ABCC8: variants seen among roughly 807,000 people sequenced by gnomAD.
ABCC8 encodes ATP binding cassette subfamily C member 8, also known as ATP-binding cassette sub-family C member 8.
In ABCC8, 137 loss-of-function variants were observed where a neutral mutation model predicts 188.0. The observed-to-expected ratio is 0.73, with a 90% CI of 0.63 to 0.84. The LOEUF is 0.84. ABCC8 is among the 40% of genes least tolerant of loss of function. The pLI, the probability that ABCC8 is intolerant of heterozygous loss-of-function variation, is 0.00. For synonymous variants in ABCC8, 797 were observed against 846.5 expected, an observed-to-expected ratio of 0.94 and a Z score of 1.01; for missense variants, 1,750 against 2,072.7, an observed-to-expected ratio of 0.84 and a Z score of 3.02.
At chr11:17,458,037 A>C (rs1414209101) in intron 6 of ABCC8, among the ~76,000 whole-genome samples, 1 of 152,212 alleles carries the variant, frequency 6.6e-6, no homozygotes, top group East Asian at 1.9e-4. Flanking sequence ...TGATCTCAGT[A>C]AATGATCCCT....
chr11:17,461,950 C>T (rs143975806), intron 4 of ABCC8, 125 bp from the exon 5 acceptor site: 20 of 1,476,094 alleles, frequency 1.4e-5, no homozygotes, highest in Admixed American at 4.6e-5. Context: ...GGCCATCTTT[C>T]GCCTGTAATT....
At chr11:17,467,495 G>A (rs934908165) in intron 3 of ABCC8, among the ~76,000 whole-genome samples, 1 of 152,112 alleles carries the variant, frequency 6.6e-6, no homozygotes, top group Non-Finnish European at 1.5e-5. Flanking sequence ...CTTCTGCCTT[G>A]GGGCCTTTGC....
chr11:17,464,441 A>C (rs1327653746), intron 3 of ABCC8, among the ~76,000 whole-genome samples: 1 of 152,240 alleles, frequency 6.6e-6, no homozygotes, highest in Non-Finnish European at 1.5e-5. Flanking sequence ...AGCCTGTGAC[A>C]TAATAGCTGT....
At chr11:17,471,345 C>T (rs543716498) in intron 2 of ABCC8, among the ~76,000 whole-genome samples, 35 of 152,266 alleles carry the variant, frequency 2.3e-4, no homozygotes, top group African/African-American at 8.4e-4. Context: ...CCAGGCTGGA[C>T]TTTGAAGGAT....
At chr11:17,434,253 C>A (rs549873671) in intron 10 of ABCC8, among the ~76,000 whole-genome samples, 11 of 152,306 alleles carry the variant, frequency 7.2e-5, no homozygotes, top group African/African-American at 2.6e-4. Flanking sequence ...TGCTCCAGGC[C>A]AAGACCCCTC....
chr11:17,442,813 C>T lies in ABCC8; in HGVS notation c.1537G>A (p.Ala513Thr), dbSNP rs761748692. 6.3e-5 allele frequency: 101 copies of T among 1,613,964 alleles called. No individual in the cohort carries two copies. Among genetic ancestry groups the T allele is most frequent in the Non-Finnish European group, 7.7e-5 (91 of 1,180,040 alleles). ...LRGIKLLKLY[A>T]WENIFRTRVE... Reference sequence around the variant, plus strand: ...CGCGTGCGGAAGATGTTCTCCCAGGCGTACAGCTTCAGCAGCTTGATGCCG... The same window carrying T: ...CGCGTGCGGAAGATGTTCTCCCAGGTGTACAGCTTCAGCAGCTTGATGCCG... The change falls in exon 10 of 39, where the codon GCC (alanine) becomes ACC (threonine). Residue 513 changes from alanine to threonine, a missense_variant. Coordinates refer to ENST00000389817, the MANE Select transcript of ABCC8 (RefSeq NM_000352.6).
rs75775289 is a variant in ABCC8 at position 17,436,230 on chromosome 11, G to A, written c.1631-3986C>T. ...GTGACCAGCTACTTGTGTTTTAAAGGTCTCTCTGAAGATCATCTTTTGGGG... is the reference window on the plus strand; with the variant it reads ...GTGACCAGCTACTTGTGTTTTAAAGATCTCTCTGAAGATCATCTTTTGGGG... On this transcript the variant is annotated intron_variant, in intron 10 of 38. Transcript: ENST00000389817. 1,072 of 590,596 alleles carry A rather than the reference G, an allele frequency of 1.8e-3. 8 individuals carry two copies. The highest frequency in any genetic ancestry group is 0.017 in the African/African-American group (943 of 53,998). The allele number at this position is 590,596 out of a possible 1,614,324, so 36.6% of individuals were successfully genotyped here. A position where few individuals can be genotyped will look rare whatever the true frequency, so the allele number is the denominator to read the frequency against.
chr11:17,453,306 G>C lies in ABCC8; in HGVS notation c.1012-23C>G, dbSNP rs757918084. 8 of 1,613,676 alleles carry C rather than the reference G, an allele frequency of 5.0e-6. No homozygotes were observed. The East Asian group carries it at 1.6e-4, about 31-fold the overall frequency. ...TGTCTGTTGGAAAGAGAAGTTCAGA[G>C]GTGACTGTCATTGCCAGCAAAATGA... is the stretch of plus-strand genomic sequence containing the variant. On this transcript the variant is annotated intron_variant, in intron 6 of 38. Transcript: ENST00000389817.
At chr11:17,441,158 C>A (rs1956302355) in intron 10 of ABCC8, among the ~76,000 whole-genome samples, 1 of 151,920 alleles carries the variant, frequency 6.6e-6, no homozygotes, top group East Asian at 1.9e-4. Flanking sequence ...CCTTTCAGAG[C>A]CCAGAGATTT....
At chr11:17,416,680 C>A (rs968194492) in intron 17 of ABCC8, among the ~76,000 whole-genome samples, 1 of 152,118 alleles carries the variant, frequency 6.6e-6, no homozygotes, top group Non-Finnish European at 1.5e-5. Context: ...ATTTCAGCAC[C>A]ACAGATATAC....
At chr11:17,396,652 G>T in intron 33 of ABCC8, 2 of 511,700 alleles carry the variant, frequency 3.9e-6, no homozygotes, top group Non-Finnish European at 7.1e-6. Flanking sequence ...GACAAAGCCC[G>T]TGTGAGCTGG....
intron 6 of ABCC8, among the ~76,000 whole-genome samples, chr11:17,454,786 C>T (rs998902324): frequency 1.3e-5 from 2 of 152,148 alleles, no homozygotes; most frequent in African/African-American, 4.8e-5. Context: ...AACATGTGAA[C>T]ATGAACCTGA....
At chr11:17,448,753 C>A in intron 7 of ABCC8, 82 bp from the exon 8 acceptor site, 2 of 1,610,092 alleles carry the variant, frequency 1.2e-6, no homozygotes, top group Non-Finnish European at 8.5e-7. Context: ...TTACAGTGTG[C>A]CAGGGGCTTC....
Position 17,404,929 on chromosome 11 carries a change from T to C in ABCC8, c.3400-260A>G, listed in dbSNP as rs1954443912. Among the ~76,000 whole-genome samples the C allele has an allele frequency of 6.6e-6, 1 of 152,082 alleles. No homozygotes were observed. Among genetic ancestry groups the C allele is most frequent in the Non-Finnish European group, 1.5e-5 (1 of 68,002 alleles). ...GGCACCTGCCACCACACCTGGCTAATTTTTGTATTTTTAATAGAGAAGGGG... is the reference window on the plus strand; with the variant it reads ...GGCACCTGCCACCACACCTGGCTAACTTTTGTATTTTTAATAGAGAAGGGG... On this transcript the variant is annotated intron_variant, in intron 27 of 38. Transcript: ENST00000389817. This position sits in a 1 kb window ranked among gnomAD's most constrained non-coding sequence, Gnocchi z 4.7.
chr11:17,406,995 G>C lies in ABCC8; in HGVS notation c.3055C>G (p.Gln1019Glu), dbSNP rs1490790294. 1 of 1,614,212 alleles carries C rather than the reference G, an allele frequency of 6.2e-7. No homozygotes were observed. Among genetic ancestry groups the C allele is most frequent in the Admixed American group, 1.7e-5 (1 of 60,036 alleles). ...ACCAGGACCATGTGCTTGAGCAGCT[G>C]TGAGAAGACCAGCAACGACAGGAGC... ...ILLLSLLVFS[Q>E]LLKHMVLVAI... Residue 1019 changes from glutamine (Q) to glutamate (E), a missense_variant, in exon 25 of 39, where the codon CAG becomes GAG. Transcript: ENST00000389817.
intron 16 of ABCC8, among the ~76,000 whole-genome samples, chr11:17,420,696 A>G (rs1288628268): frequency 6.6e-6 from 1 of 152,124 alleles, no homozygotes; most frequent in Non-Finnish European, 1.5e-5. Context: ...CCTCACAGGG[A>G]AGTGGGAGCC....
At chr11:17,437,316 G>A (rs1220622778) in intron 10 of ABCC8, among the ~76,000 whole-genome samples, 1 of 152,176 alleles carries the variant, frequency 6.6e-6, no homozygotes, top group Non-Finnish European at 1.5e-5. Flanking sequence ...CTTTGCCCAA[G>A]GAATGTTTTC....
intron 3 of ABCC8, among the ~76,000 whole-genome samples, chr11:17,464,395 G>T (rs1848018683): frequency 6.6e-6 from 1 of 152,224 alleles, no homozygotes; most frequent in African/African-American, 2.4e-5. Flanking sequence ...AGGGGTTAGT[G>T]GTGGTGGCTC....
At chr11:17,413,267 C>G (rs1439467543) in intron 20 of ABCC8, 127 bp downstream of exon 20, 6 of 1,419,896 alleles carry the variant, frequency 4.2e-6, no homozygotes, top group Non-Finnish European at 5.9e-6. Flanking sequence ...TTTGACCTTA[C>G]TGCAGGCAAC....
Sources: allele counts gnomAD v4.1 joint callset (sites outside exome capture counted in the v4.1 genomes callset), GRCh38; gene constraint gnomAD v4.1.1; non-coding constraint Gnocchi (gnomAD v3.1); transcripts MANE v1.5; gene names NCBI Gene and HGNC (gene_info 2026-07-23, HGNC 2026-07-21).